The following PTPRN2 variants were observed in gnomAD, a reference collection of about 807,000 sequenced individuals.
PTPRN2 encodes protein tyrosine phosphatase receptor type N2, also known as receptor-type tyrosine-protein phosphatase N2.
In PTPRN2, 74 loss-of-function variants were observed where a neutral mutation model predicts 118.8. That is an observed-to-expected ratio of 0.62 (90% CI 0.52 to 0.76). The LOEUF (loss-of-function observed/expected upper bound fraction) is 0.76, where lower values mean the gene tolerates loss of function less well. Among genes scored for constraint, PTPRN2 ranks in the 30% least tolerant of loss-of-function variants. The probability of loss-of-function intolerance (pLI) is 0.00; values close to 1 mark genes in which losing one functional copy is unlikely to be tolerated. For synonymous variants in PTPRN2, 641 were observed against 608.0 expected (o/e 1.05, Z -0.80); for missense variants, 1,481 against 1,394.4 (o/e 1.06, Z -0.99).
chr7:157,626,950 G>A (rs1477132423), intron 14 of PTPRN2, among the ~76,000 whole-genome samples: 2 of 152,230 alleles, frequency 1.3e-5, no homozygotes, highest in Admixed American at 6.5e-5. Context: ...ACTCATGACA[G>A]ACAGGTGTCA....
At chr7:157,923,680 T>G in intron 11 of PTPRN2, among the ~76,000 whole-genome samples, 1 of 152,150 alleles carries the variant, frequency 6.6e-6, no homozygotes, top group East Asian at 1.9e-4. Flanking sequence ...CTGTCACTGC[T>G]GCAAATGGTC....
rs113040774 is a variant in PTPRN2 at position 157,558,068 on chromosome 7, G to A, written c.2903-9049C>T. Among the ~76,000 whole-genome samples, 218 of 150,978 alleles carry A rather than the reference G, an allele frequency of 1.4e-3. 7 individuals are homozygous for A. The highest frequency in any genetic ancestry group is 5.2e-3 in the African/African-American group (212 of 40,910). ...CGGACCTCTGCACCCCTGTGCAGGC[G>A]AGCACAGCTTCACAATTCAAGGGGG... On this transcript the variant is annotated intron_variant, in intron 21 of 22. Coordinates refer to ENST00000389418, the MANE Select transcript of PTPRN2 (RefSeq NM_002847.5).
At chr7:158,075,722 G>A (rs1318843854) in intron 11 of PTPRN2, among the ~76,000 whole-genome samples, 1 of 152,244 alleles carries the variant, frequency 6.6e-6, no homozygotes. Flanking sequence ...TTCCCTCTGA[G>A]CATCTCCCTC....
At chr7:157,607,801 T>TG (rs1802093330) in intron 15 of PTPRN2, among the ~76,000 whole-genome samples, 1 of 152,132 alleles carries the variant, frequency 6.6e-6, no homozygotes, top group African/African-American at 2.4e-5. Context: ...TCGGGAGTCC[T>TG]GGGGAGTTAG....
intron 12 of PTPRN2, among the ~76,000 whole-genome samples, chr7:157,757,099 A>AT (rs1563076904): frequency 1.3e-5 from 2 of 151,878 alleles, no homozygotes; most frequent in African/African-American, 4.9e-5. Flanking sequence ...ACAAGATAAA[A>AT]GTTTTTTTTT....
At chr7:157,980,929 G>A (rs990330784) in intron 11 of PTPRN2, among the ~76,000 whole-genome samples, 1 of 151,366 alleles carries the variant, frequency 6.6e-6, no homozygotes. Flanking sequence ...CTGGGGACAG[G>A]GGAGGGATAA....
chr7:158,195,271 C>T (rs562627821), intron 4 of PTPRN2, among the ~76,000 whole-genome samples: 90 of 152,324 alleles, frequency 5.9e-4, no homozygotes, highest in African/African-American at 1.9e-3. Context: ...TTTAAAAATG[C>T]TTTCCATCGT....
chr7:157,641,917 T>C (rs1261523639), intron 14 of PTPRN2, among the ~76,000 whole-genome samples: 1 of 152,140 alleles, frequency 6.6e-6, no homozygotes, highest in African/African-American at 2.4e-5. Context: ...GCTGAGCTCA[T>C]CTTCTGCTCC....
chr7:158,034,174 G>T (rs368191586), intron 11 of PTPRN2, among the ~76,000 whole-genome samples: 17 of 151,210 alleles, frequency 1.1e-4, no homozygotes, highest in African/African-American at 3.9e-4. Context: ...GCCTGGGTGA[G>T]CGTCCCTGGT....
chr7:158,337,386 GAGGTAACACCTGCAGACGTCCCTCA>G (rs1805841769), intron 2 of PTPRN2, among the ~76,000 whole-genome samples: 1 of 101,788 alleles, frequency 9.8e-6, no homozygotes, highest in African/African-American at 3.5e-5. Context: ...CTCACCATAA[GAGGTAACACCTGCAGACGTCCCTCA>G]CACCCACACT....
intron 6 of PTPRN2, among the ~76,000 whole-genome samples, chr7:158,149,287 T>G (rs949146440): frequency 6.6e-6 from 1 of 152,144 alleles, no homozygotes; most frequent in Non-Finnish European, 1.5e-5. Flanking sequence ...CTCCAAACTT[T>G]TATAAAGCAA....
At chr7:157,543,888 C>T (rs1401722483) in intron 22 of PTPRN2, among the ~76,000 whole-genome samples, 1 of 152,140 alleles carries the variant, frequency 6.6e-6, no homozygotes, top group African/African-American at 2.4e-5. Context: ...TTGAGCCCTG[C>T]CCAAGTTAGG....
chr7:157,909,397 G>A (rs1797956493), intron 11 of PTPRN2, among the ~76,000 whole-genome samples: 1 of 152,196 alleles, frequency 6.6e-6, no homozygotes, highest in Non-Finnish European at 1.5e-5. Flanking sequence ...GGGGGGGGGA[G>A]GATGCTGGCC....
rs977979081 is a variant in PTPRN2 at position 157,845,171 on chromosome 7, A to T, written c.1788+53502T>A. ...GGATGGCTGCCTTTGTTGTTTTTCA[A>T]ATGGACTATTTTATTCCTAGAAAAA... On this transcript the variant is annotated intron_variant, in intron 12 of 22. Coordinates refer to ENST00000389418, the MANE Select transcript of PTPRN2 (RefSeq NM_002847.5). This position sits in a 1 kb window ranked among gnomAD's most constrained non-coding sequence, Gnocchi z 4.5. 6.6e-6 allele frequency among the ~76,000 whole-genome samples: 1 copy of T among 152,176 alleles called. No homozygotes were observed. Among genetic ancestry groups the T allele is most frequent in the African/African-American group, 2.4e-5 (1 of 41,450 alleles).
At chr7:157,775,481 C>T (rs1236240210) in intron 12 of PTPRN2, among the ~76,000 whole-genome samples, 1 of 152,228 alleles carries the variant, frequency 6.6e-6, no homozygotes, top group Non-Finnish European at 1.5e-5. Flanking sequence ...GCGGAGGCGG[C>T]AGCGTGAGAA....
intron 12 of PTPRN2, among the ~76,000 whole-genome samples, chr7:157,746,304 C>A (rs1800931018): frequency 6.6e-6 from 1 of 150,580 alleles, no homozygotes; most frequent in Non-Finnish European, 1.5e-5. Flanking sequence ...CTAGACCCTA[C>A]AGTCCTCACG....
intron 3 of PTPRN2, among the ~76,000 whole-genome samples, chr7:158,232,735 C>T (rs550038563): frequency 3.9e-5 from 6 of 152,080 alleles, no homozygotes; most frequent in Admixed American, 1.3e-4. Context: ...TCAACATGAT[C>T]GAGTGGGATT....
intron 2 of PTPRN2, among the ~76,000 whole-genome samples, chr7:158,473,605 G>A (rs1370450696): frequency 6.6e-6 from 1 of 152,184 alleles, no homozygotes; most frequent in Non-Finnish European, 1.5e-5. Flanking sequence ...TGAGCAGCGG[G>A]TGCTTCGTAA....
intron 12 of PTPRN2, among the ~76,000 whole-genome samples, chr7:157,727,752 T>C (rs1337922081): frequency 6.6e-6 from 1 of 152,204 alleles, no homozygotes; most frequent in Non-Finnish European, 1.5e-5. Flanking sequence ...GAACCAGAAG[T>C]GTCACGTAAA....
Sources: allele counts gnomAD v4.1 joint callset (sites outside exome capture counted in the v4.1 genomes callset), GRCh38; gene constraint gnomAD v4.1.1; non-coding constraint Gnocchi (gnomAD v3.1); transcripts MANE v1.5; gene names NCBI Gene and HGNC (gene_info 2026-07-23, HGNC 2026-07-21).